FANK1: variants seen among roughly 807,000 people sequenced by gnomAD.
FANK1 encodes fibronectin type 3 and ankyrin repeat domains protein 1.
In FANK1, 44 loss-of-function variants were observed where a neutral mutation model predicts 45.3. That is an observed-to-expected ratio of 0.97 (90% CI 0.76 to 1.25). FANK1 has a LOEUF of 1.25. Ranked by LOEUF, FANK1 falls within the 50% of genes most tolerant of loss-of-function variation. FANK1 has a pLI of 0.00. For missense variants in FANK1, 391 were observed against 424.4 expected, an observed-to-expected ratio of 0.92 and a Z score of 0.69; for synonymous variants, 149 against 152.5, an observed-to-expected ratio of 0.98 and a Z score of 0.17.
Position 125,963,352 on chromosome 10 carries a change from T to C in FANK1, c.14-16809T>C, listed in dbSNP as rs182822212. ...AGACAGTGTGGTGATTCCTCAAGGA[T>C]GTAGAACTAGAAATACCATTTGACC... On this transcript the variant is annotated intron_variant, in intron 1 of 10. Transcript: ENST00000368693. Among the ~76,000 whole-genome samples the C allele has an allele frequency of 7.5e-4, 115 of 152,334 alleles. 1 individual carries two copies. The East Asian group carries it at 0.021, about 28-fold the overall frequency.
chr10:125,970,000 A>G (rs1019159945), intron 1 of FANK1, among the ~76,000 whole-genome samples: 1 of 152,210 alleles, frequency 6.6e-6, no homozygotes, highest in Non-Finnish European at 1.5e-5. Context: ...GTACAGAACG[A>G]AATGGAGTCT....
rs558475210 is a variant in FANK1 at position 125,926,482 on chromosome 10, A to T, written c.13+29827A>T. 2.6e-5 allele frequency among the ~76,000 whole-genome samples: 4 copies of T among 152,416 alleles called. No individual in the cohort carries two copies. In the East Asian group the frequency reaches 7.7e-4, roughly 29 times the overall value. On this transcript the variant is annotated intron_variant, in intron 1 of 10. Transcript: ENST00000368693. Reference sequence around the variant, plus strand: ...CGTTCCTCACTCCCTGACCCCTGGCAACCACTAATCTGTTTTTCATCTCTG... The same window carrying T: ...CGTTCCTCACTCCCTGACCCCTGGCTACCACTAATCTGTTTTTCATCTCTG...
intron 3 of FANK1, chr10:125,994,741 G>T (rs1364178093): frequency 2.0e-6 from 2 of 985,324 alleles, no homozygotes; most frequent in African/African-American, 3.5e-5. Flanking sequence ...TGTGCTGCCC[G>T]CCTGCCTGTT....
At chr10:125,973,700 A>G (rs146779291) in intron 1 of FANK1, 3 of 153,256 alleles carry the variant, frequency 2.0e-5, no homozygotes, top group Admixed American at 6.5e-5. Flanking sequence ...TTGGTTTAAG[A>G]TGTTAACATT....
intron 3 of FANK1, chr10:125,989,381 A>C (rs538834826): frequency 2.0e-5 from 31 of 1,548,540 alleles, no homozygotes; most frequent in Non-Finnish European, 2.5e-5. Flanking sequence ...CAGTTGCACA[A>C]AGGAAACCTT....
intron 1 of FANK1, among the ~76,000 whole-genome samples, chr10:125,913,153 T>C (rs539531364): frequency 6.6e-6 from 1 of 152,350 alleles, no homozygotes; most frequent in South Asian, 2.1e-4. Flanking sequence ...GTCCTTGCTG[T>C]TCTGAATTGG....
At chr10:125,969,330 G>C (rs1213305300) in intron 1 of FANK1, among the ~76,000 whole-genome samples, 5 of 150,858 alleles carry the variant, frequency 3.3e-5, no homozygotes, top group African/African-American at 1.2e-4. Flanking sequence ...GGTTAAATTT[G>C]GATGCTGGTT....
At chr10:125,948,706 C>G (rs1035355447) in intron 1 of FANK1, among the ~76,000 whole-genome samples, 101 of 152,162 alleles carry the variant, frequency 6.6e-4, no homozygotes, top group Admixed American at 5.2e-4. Context: ...TGAACTGGTA[C>G]CATTCCTTCT....
At chr10:125,953,495 G>T (rs10901475) in intron 1 of FANK1, among the ~76,000 whole-genome samples, 58,612 of 151,872 alleles carry the variant, frequency 0.39, 11,643 homozygotes, top group Non-Finnish European at 0.44. Flanking sequence ...TCTTAGGCAC[G>T]AGGATCCTAT....
chr10:125,965,327 T>C (rs1950150540), intron 1 of FANK1, among the ~76,000 whole-genome samples: 1 of 152,244 alleles, frequency 6.6e-6, no homozygotes. Flanking sequence ...TATAAGCTGA[T>C]CCATTTGAAC....
At chr10:125,951,122 A>C (rs61870931) in intron 1 of FANK1, among the ~76,000 whole-genome samples, 4 of 146,578 alleles carry the variant, frequency 2.7e-5, no homozygotes, top group Admixed American at 1.4e-4. Context: ...AGGGATAGCA[A>C]TGGGAGATAT....
At chr10:125,942,222 T>C (rs759245949) in intron 1 of FANK1, among the ~76,000 whole-genome samples, 18 of 152,310 alleles carry the variant, frequency 1.2e-4, no homozygotes, top group Middle Eastern at 3.4e-3. Context: ...TGTGAAGACA[T>C]TGAGAGTCTG....
At chr10:125,978,804 T>C (rs1345445984) in intron 1 of FANK1, among the ~76,000 whole-genome samples, 3 of 152,162 alleles carry the variant, frequency 2.0e-5, no homozygotes, top group African/African-American at 7.2e-5. Flanking sequence ...GTGGGTCTTA[T>C]CTCGTGAGGT....
chr10:125,896,850 T>A (rs998130828), intron 1 of FANK1, among the ~76,000 whole-genome samples, 195 bp downstream of exon 1: 29 of 152,262 alleles, frequency 1.9e-4, no homozygotes, highest in Non-Finnish European at 4.0e-4. Context: ...TCTGTATGGT[T>A]GGGCCGCCGG....
chr10:125,991,067 G>A (rs978077406), intron 3 of FANK1, among the ~76,000 whole-genome samples: 2 of 152,216 alleles, frequency 1.3e-5, no homozygotes, highest in Non-Finnish European at 2.9e-5. Context: ...TGAGATTTGG[G>A]TGGGGACACA....
At chr10:125,951,064 A>C (rs1949183785) in intron 1 of FANK1, among the ~76,000 whole-genome samples, 1 of 121,738 alleles carries the variant, frequency 8.2e-6, no homozygotes, top group Admixed American at 1.1e-4. Context: ...GGACACAGGA[A>C]GGGGAATATC....
chr10:125,989,346 C>A, intron 3 of FANK1: 1 of 1,551,230 alleles, frequency 6.4e-7, no homozygotes, highest in Admixed American at 2.0e-5. Context: ...GGCCCACCCA[C>A]TGAAAACACA....
intron 7 of FANK1, among the ~76,000 whole-genome samples, chr10:126,007,859 GA>G (rs1349958682): frequency 1.3e-5 from 2 of 152,170 alleles, no homozygotes; most frequent in Admixed American, 6.5e-5. Flanking sequence ...TCAGTGTAGA[GA>G]AGATGATCAG....
At chr10:125,988,747 T>C in intron 3 of FANK1, 72 bp downstream of exon 3, 5 of 1,611,176 alleles carry the variant, frequency 3.1e-6, no homozygotes, top group East Asian at 2.2e-5. Context: ...AGAAAAAATA[T>C]TCTGCCTCTC....
Sources: gnomAD v4.1 joint callset for allele counts (sites outside exome capture counted in the v4.1 genomes callset) on GRCh38, gnomAD v4.1.1 for gene constraint, MANE v1.5 for transcripts, NCBI Gene and HGNC (gene_info 2026-07-23, HGNC 2026-07-21) for gene names.